ADAMTSL3: variants seen among roughly 807,000 people sequenced by gnomAD.
The protein encoded by ADAMTSL3 is ADAMTS-like protein 3.
In ADAMTSL3, 128 loss-of-function variants were observed where a neutral mutation model predicts 201.7. The ratio of observed to expected loss-of-function variants is 0.63; its 90% confidence interval spans 0.55 to 0.73. The LOEUF (loss-of-function observed/expected upper bound fraction) is 0.73. ADAMTSL3 is among the 30% of genes least tolerant of loss of function. ADAMTSL3 has a pLI of 0.00. For synonymous variants in ADAMTSL3, 738 were observed against 748.4 expected, an observed-to-expected ratio of 0.99 and a Z score of 0.23; for missense variants, 1,990 against 2,119.6, an observed-to-expected ratio of 0.94 and a Z score of 1.20.
rs544101529 is a variant in ADAMTSL3, at chr15:83,798,819, A to C, written c.318-5831A>C. 1.9e-3 allele frequency among the ~76,000 whole-genome samples: 295 copies of C among 151,350 alleles called. 4 individuals are homozygous for C. The highest frequency in any genetic ancestry group is 0.01 in the Middle Eastern group (3 of 294). Reference sequence around the variant, plus strand: ...GGGACTCCGTCTCAAAAAAAAAAAAAAAAAACAAAAAAAAAGGACAATAAC... The same window carrying C: ...GGGACTCCGTCTCAAAAAAAAAAAACAAAAACAAAAAAAAAGGACAATAAC... On this transcript the variant is annotated intron_variant, in intron 4 of 29. Coordinates refer to ENST00000286744, the MANE Select transcript of ADAMTSL3 (RefSeq NM_207517.3).
At chr15:83,943,810 G>A (rs2142039734) in intron 19 of ADAMTSL3, among the ~76,000 whole-genome samples, 1 of 152,312 alleles carries the variant, frequency 6.6e-6, no homozygotes, top group Non-Finnish European at 1.5e-5. Flanking sequence ...TCCCATCACT[G>A]TGTCCATCAA....
At chr15:83,787,995 A>T (rs2063290999) in intron 4 of ADAMTSL3, among the ~76,000 whole-genome samples, 1 of 152,160 alleles carries the variant, frequency 6.6e-6, no homozygotes, top group Non-Finnish European at 1.5e-5. Flanking sequence ...TATTATTATA[A>T]AGACATGTTA....
intron 4 of ADAMTSL3, among the ~76,000 whole-genome samples, chr15:83,783,465 G>T (rs907058493): frequency 6.6e-6 from 1 of 152,034 alleles, no homozygotes; most frequent in African/African-American, 2.4e-5. Flanking sequence ...ACAAAAGATT[G>T]TTAGGCTATA....
chr15:83,766,401 G>A (rs981025848), intron 3 of ADAMTSL3, among the ~76,000 whole-genome samples: 13 of 152,162 alleles, frequency 8.5e-5, no homozygotes, highest in African/African-American at 2.9e-4. Flanking sequence ...TCAGAAATGC[G>A]AATTCCTCAT....
rs757993315 is a variant in ADAMTSL3, at chr15:83,991,117, T to C, written c.3876T>C (p.Asn1292=). 5.0e-6 allele frequency: 8 copies of C among 1,614,078 alleles called. No individual in the cohort carries two copies. Among genetic ancestry groups the C allele is most frequent in the African/African-American group, 2.7e-5 (2 of 74,942 alleles). ...EAPVILSVER[N]ITKPEHNHLS... The stretch of plus-strand genomic sequence containing the variant: ...CTGTCATCTTGTCTGTTGAAAGAAA[T>C]ATCACCAAACCAGAGCACAACCATC... Residue 1292 remains asparagine, a synonymous_variant, in exon 23 of 30, where the codon AAT becomes AAC. Coordinates refer to ENST00000286744, the MANE Select transcript of ADAMTSL3 (RefSeq NM_207517.3).
chr15:83,712,508 C>T (rs1449086277), intron 3 of ADAMTSL3, among the ~76,000 whole-genome samples: 2 of 152,306 alleles, frequency 1.3e-5, no homozygotes, highest in South Asian at 2.1e-4. Flanking sequence ...TCTCAGTGCT[C>T]CTCTTTTTTG....
chr15:83,670,723 C>G (rs1567061710), intron 2 of ADAMTSL3, among the ~76,000 whole-genome samples: 1 of 152,166 alleles, frequency 6.6e-6, no homozygotes. Context: ...ACCCCATTCT[C>G]TGTCTACCTG....
At chr15:83,739,007 T>A (rs2062412030) in intron 3 of ADAMTSL3, among the ~76,000 whole-genome samples, 1 of 150,400 alleles carries the variant, frequency 6.6e-6, no homozygotes, top group South Asian at 2.1e-4. Context: ...AATGCAGGAT[T>A]AAAAAAACAA....
At chr15:83,742,605 C>T (rs187337299) in intron 3 of ADAMTSL3, among the ~76,000 whole-genome samples, 49 of 152,150 alleles carry the variant, frequency 3.2e-4, no homozygotes, top group African/African-American at 1.1e-3. Flanking sequence ...TACAGGTTCA[C>T]AAAATTAGGA....
In ADAMTSL3 at chr15:83,991,138, C is replaced by A. The variant is rs749738577; in HGVS notation, c.3897C>A (p.Asn1299Lys). ...VERNITKPEH[N>K]HLSVVVGGIV... ...GAAATATCACCAAACCAGAGCACAA[C>A]CATCTGTCTGTTGTGGTTGGAGGCA... is the stretch of plus-strand genomic sequence containing the variant. Residue 1299 changes from asparagine (N) to lysine (K), a missense_variant, in exon 23 of 30, where the codon AAC becomes AAA. Transcript: ENST00000286744. 1 of 1,614,112 alleles carries A rather than the reference C, an allele frequency of 6.2e-7. No individual in the cohort carries two copies. Among genetic ancestry groups the A allele is most frequent in the East Asian group, 2.2e-5 (1 of 44,900 alleles).
Position 83,924,150 on chromosome 15 carries a change from T to G in ADAMTSL3, c.2117+117T>G, listed in dbSNP as rs142888096. On this transcript the variant is annotated intron_variant, in intron 17 of 29. Coordinates refer to ENST00000286744, the MANE Select transcript of ADAMTSL3 (RefSeq NM_207517.3). ...TCACCCAAGGTAGATGTGCTAAGCC[T>G]GCTTCAGAGCTCTCTTTGCTCAAGT... The G allele has an allele frequency of 9.6e-4, 1,271 of 1,322,832 alleles. 1 individual carries two copies. The highest frequency in any genetic ancestry group is 1.2e-3 in the Non-Finnish European group (1,129 of 976,310). 81.9% of individuals were successfully genotyped at this position (1,322,832 alleles called of 1,614,324 possible). A position where few individuals can be genotyped will look rare whatever the true frequency, so the allele number is the denominator to read the frequency against.
chr15:83,880,238 T>C (rs182826580), intron 9 of ADAMTSL3, among the ~76,000 whole-genome samples: 3 of 152,292 alleles, frequency 2.0e-5, no homozygotes, highest in Admixed American at 6.5e-5. Flanking sequence ...CTCTTTGTTA[T>C]GTATTTATAT....
intron 3 of ADAMTSL3, chr15:83,739,711 G>A (rs1596118688): frequency 2.9e-6 from 1 of 345,156 alleles, no homozygotes; most frequent in South Asian, 2.7e-5. Flanking sequence ...CTTCTTGGTA[G>A]TCTGTTAGTG....
At chr15:83,783,774 G>A (rs2063214945) in intron 4 of ADAMTSL3, among the ~76,000 whole-genome samples, 1 of 151,162 alleles carries the variant, frequency 6.6e-6, no homozygotes, top group African/African-American at 2.4e-5. Context: ...AGTGGTGCAA[G>A]CTGCCATTTA....
At chr15:83,818,831 T>C (rs2063809496) in intron 5 of ADAMTSL3, among the ~76,000 whole-genome samples, 1 of 152,188 alleles carries the variant, frequency 6.6e-6, no homozygotes, top group Non-Finnish European at 1.5e-5. Context: ...ACTGAAGGCA[T>C]GTACTTAGAA....
chr15:83,857,861 A>G (rs1437627230), intron 7 of ADAMTSL3, among the ~76,000 whole-genome samples: 1 of 152,190 alleles, frequency 6.6e-6, no homozygotes, highest in Non-Finnish European at 1.5e-5. Flanking sequence ...AGTAATTCGT[A>G]TCATTGATAA....
intron 4 of ADAMTSL3, among the ~76,000 whole-genome samples, chr15:83,788,831 C>CA (rs1159546791): frequency 4.6e-5 from 7 of 151,908 alleles, no homozygotes; most frequent in East Asian, 1.9e-4. Context: ...TTTTTTGAGA[C>CA]AGAGTCTTGC....
intron 3 of ADAMTSL3, among the ~76,000 whole-genome samples, chr15:83,740,575 A>G (rs2141634711): frequency 6.6e-6 from 1 of 152,312 alleles, no homozygotes; most frequent in East Asian, 1.9e-4. Flanking sequence ...ACATTCAACT[A>G]AAAAGTATAA....
intron 4 of ADAMTSL3, among the ~76,000 whole-genome samples, chr15:83,784,749 G>A (rs1240448202): frequency 6.6e-6 from 1 of 151,818 alleles, no homozygotes; most frequent in African/African-American, 2.4e-5. Context: ...TCTGTCATTA[G>A]TAATTTCTTT....
Sources: gnomAD v4.1 joint callset for allele counts (sites outside exome capture counted in the v4.1 genomes callset) on GRCh38, gnomAD v4.1.1 for gene constraint, MANE v1.5 for transcripts, NCBI Gene and HGNC (gene_info 2026-07-23, HGNC 2026-07-21) for gene names.